STYXL1: variants seen among roughly 807,000 people sequenced by gnomAD.
The protein encoded by STYXL1 is serine/threonine/tyrosine-interacting-like protein 1.
Under a neutral mutation model 36.4 loss-of-function variants are expected in STYXL1, and 32 were observed. That is an observed-to-expected ratio of 0.88 (90% CI 0.66 to 1.18). The LOEUF (loss-of-function observed/expected upper bound fraction) is 1.18, where lower values mean the gene tolerates loss of function less well. STYXL1 is among the 50% of genes most tolerant of loss of function. STYXL1 has a pLI of 0.00. For synonymous variants in STYXL1, 133 were observed against 144.1 expected, an observed-to-expected ratio of 0.92 and a Z score of 0.55; for missense variants, 354 against 394.1, an observed-to-expected ratio of 0.90 and a Z score of 0.86.
At chr7:76,039,796 C>T (rs1301693377) in intron 1 of STYXL1, among the ~76,000 whole-genome samples, 2 of 152,122 alleles carry the variant, frequency 1.3e-5, no homozygotes, top group Non-Finnish European at 2.9e-5. Flanking sequence ...TACAGGCATG[C>T]ACCACCATGA....
At chr7:76,016,386 C>T (rs926076324) in intron 4 of STYXL1, among the ~76,000 whole-genome samples, 7 of 147,272 alleles carry the variant, frequency 4.8e-5, no homozygotes, top group East Asian at 1.9e-4. Context: ...AGCGTATATA[C>T]GTATGTGTGT....
chr7:75,998,181 C>A (rs1368410199), intron 8 of STYXL1, among the ~76,000 whole-genome samples: 2 of 152,120 alleles, frequency 1.3e-5, no homozygotes, highest in African/African-American at 2.4e-5. Flanking sequence ...GATTTCAAAC[C>A]TTAGTCTAAC....
At position 76,030,491 on chromosome 7, in the gene STYXL1, C is replaced by G; in HGVS notation, c.33G>C (p.Glu11Asp). MPGLLLCEPT[E>D]LYNILNQATK... The stretch of plus-strand genomic sequence containing the variant: ...TGGCCTGATTCAGGATGTTGTAAAG[C>G]TCTGTTGGTTCACATAAAAGCAAAC... Residue 11 changes from glutamate to aspartate, a missense_variant, in exon 2 of 9, where the codon GAG becomes GAC. By Grantham distance (45) the Glu-to-Asp change is conservative. Transcript: ENST00000359697. 4 of 1,613,918 alleles carry G rather than the reference C, an allele frequency of 2.5e-6. No homozygotes were observed. Among genetic ancestry groups the G allele is most frequent in the Non-Finnish European group, 2.5e-6 (3 of 1,179,852 alleles).
chr7:75,997,654 G>A (rs1166176536), intron 8 of STYXL1, among the ~76,000 whole-genome samples: 2 of 152,132 alleles, frequency 1.3e-5, no homozygotes, highest in East Asian at 1.9e-4. Context: ...ACAATGGATA[G>A]GAAGAAGTAA....
At chr7:76,027,236 T>C (rs1554577964) in intron 3 of STYXL1, among the ~76,000 whole-genome samples, 2 of 151,726 alleles carry the variant, frequency 1.3e-5, no homozygotes, top group Non-Finnish European at 1.5e-5. Flanking sequence ...GGGAAAAGGT[T>C]TCGCTGCAGT....
At chr7:76,027,504 G>A (rs573673205) in intron 3 of STYXL1, among the ~76,000 whole-genome samples, 4 of 151,644 alleles carry the variant, frequency 2.6e-5, no homozygotes, top group Non-Finnish European at 5.9e-5. Flanking sequence ...CAAGTCTGCA[G>A]TCCCAGCTAC....
chr7:76,003,643 T>C (rs1791265465), intron 7 of STYXL1, 115 bp downstream of exon 7: 1 of 945,820 alleles, frequency 1.1e-6, no homozygotes, highest in South Asian at 1.6e-5. Flanking sequence ...CTGGGCCCTT[T>C]CTCTCTAGAG....
intron 4 of STYXL1, among the ~76,000 whole-genome samples, chr7:76,016,360 A>G (rs1793343710): frequency 6.7e-6 from 1 of 149,606 alleles, no homozygotes; most frequent in Non-Finnish European, 1.5e-5. Flanking sequence ...ATCTATACGT[A>G]TGTGTGCACA....
intron 5 of STYXL1, 112 bp downstream of exon 5, chr7:76,013,630 T>A: frequency 6.8e-7 from 1 of 1,478,512 alleles, no homozygotes; most frequent in Non-Finnish European, 9.3e-7. Context: ...TCCTCCACTT[T>A]CTCTATATCC....
chr7:76,022,305 G>A (rs2116081618), intron 3 of STYXL1, among the ~76,000 whole-genome samples: 1 of 152,262 alleles, frequency 6.6e-6, no homozygotes, highest in South Asian at 2.1e-4. Flanking sequence ...GAGAAACCAT[G>A]GTCAATTGAA....
chr7:76,020,266 C>T (rs1468536783), intron 4 of STYXL1, among the ~76,000 whole-genome samples: 2 of 152,176 alleles, frequency 1.3e-5, no homozygotes, highest in Non-Finnish European at 2.9e-5. Flanking sequence ...GACAAAAGTC[C>T]AGACAGCTGG....
At chr7:76,024,175 G>T (rs1237305895) in intron 3 of STYXL1, among the ~76,000 whole-genome samples, 1 of 152,110 alleles carries the variant, frequency 6.6e-6, no homozygotes, top group Non-Finnish European at 1.5e-5. Flanking sequence ...ACCGTGCCTG[G>T]CCAGAATATT....
rs149158886 is a variant in STYXL1, at chr7:75,997,370, G to A, written c.811-771C>T. ...AATTGCTTGAACCTGGGAGGCGGAG[G>A]TTGCAGTGAGCCGAGATTGCACCAC... is the stretch of plus-strand genomic sequence containing the variant. On this transcript the variant is annotated intron_variant, in intron 8 of 8. Transcript: ENST00000359697. Among the ~76,000 whole-genome samples the A allele has an allele frequency of 3.4e-3, 512 of 152,284 alleles. 3 individuals carry two copies. The highest frequency in any genetic ancestry group is 0.012 in the African/African-American group (485 of 41,544).
At chr7:76,031,246 A>T (rs1425923359) in intron 1 of STYXL1, among the ~76,000 whole-genome samples, 3 of 132,402 alleles carry the variant, frequency 2.3e-5, no homozygotes, top group Non-Finnish European at 4.6e-5. Context: ...CAAAAGAATC[A>T]CTTGAACCTG....
chr7:76,022,006 A>G lies in STYXL1; in HGVS notation c.166-14T>C, dbSNP rs782414401. 6.3e-7 allele frequency: 1 copy of G among 1,584,600 alleles called. No individual in the cohort carries two copies. Among genetic ancestry groups the G allele is most frequent in the South Asian group, 1.1e-5 (1 of 88,290 alleles). Reference sequence around the variant, plus strand: ...TTCATTATTTTTCTTAAAAAAAAAAACACACACACACAAGAGAGGCCTGTT... The same window carrying G: ...TTCATTATTTTTCTTAAAAAAAAAAGCACACACACACAAGAGAGGCCTGTT... On this transcript the variant is annotated splice_polypyrimidine_tract_variant and intron_variant, in intron 3 of 8. Coordinates refer to ENST00000359697, the MANE Select transcript of STYXL1 (RefSeq NM_001317785.2).
chr7:76,013,718 C>T (rs782158715), intron 5 of STYXL1, 24 bp downstream of exon 5: 1 of 1,613,704 alleles, frequency 6.2e-7, no homozygotes, highest in Admixed American at 1.7e-5. Context: ...TCTGGGCCTG[C>T]CTGTGCTCAG....
chr7:75,999,491 T>TTGTGTA (rs150572317), intron 8 of STYXL1, among the ~76,000 whole-genome samples: 56,661 of 110,592 alleles, frequency 0.51, 12,413 homozygotes, highest in Middle Eastern at 0.6. Context: ...AATTTTTTTG[T>TTGTGTA]TGTGTGTGTG....
intron 5 of STYXL1, 119 bp from the exon 6 acceptor site, chr7:76,005,523 T>A: frequency 1.1e-6 from 1 of 934,570 alleles, no homozygotes; most frequent in South Asian, 1.7e-5. Flanking sequence ...ACAGTGAATG[T>A]GACGGAGATC....
chr7:76,043,088 A>T (rs7811553), intron 1 of STYXL1, among the ~76,000 whole-genome samples: 7,816 of 152,230 alleles, frequency 0.051, 649 homozygotes, highest in African/African-American at 0.18. Flanking sequence ...TCAGATATGG[A>T]CCAGGCAGGG....
Sources: allele counts gnomAD v4.1 joint callset (sites outside exome capture counted in the v4.1 genomes callset), GRCh38; gene constraint gnomAD v4.1.1; transcripts MANE v1.5; gene names NCBI Gene and HGNC (gene_info 2026-07-23, HGNC 2026-07-21).